KIAA0930: variants seen among roughly 807,000 people sequenced by gnomAD.
The protein encoded by KIAA0930 is KIAA0930.
Under a neutral mutation model 43.9 loss-of-function variants are expected in KIAA0930, and 24 were observed. The ratio of observed to expected loss-of-function variants is 0.55; its 90% confidence interval spans 0.40 to 0.77. The LOEUF is 0.77. KIAA0930 is among the 30% of genes least tolerant of loss of function. The pLI is 0.00. For synonymous variants in KIAA0930, 259 were observed against 216.4 expected (o/e 1.20, Z -1.73); for missense variants, 461 against 574.2 (o/e 0.80, Z 2.02).
At chr22:45,205,191 G>A (rs1351284478) in intron 5 of KIAA0930, 26 bp downstream of exon 5, 1 of 1,570,914 alleles carries the variant, frequency 6.4e-7, no homozygotes, top group African/African-American at 1.4e-5. Flanking sequence ...GGGAAGCTAA[G>A]GAGAGAGGCC....
intron 5 of KIAA0930, among the ~76,000 whole-genome samples, chr22:45,204,587 T>C (rs1398486402): frequency 1.3e-5 from 2 of 152,156 alleles, no homozygotes; most frequent in Non-Finnish European, 2.9e-5. Flanking sequence ...CGCCCACGCC[T>C]TCCTCCTAAG....
chr22:45,223,008 A>G (rs9615066), intron 1 of KIAA0930, among the ~76,000 whole-genome samples: 70,296 of 151,978 alleles, frequency 0.46, 17,115 homozygotes, highest in East Asian at 0.69. Context: ...AATATCAGAC[A>G]GTCAAAATCA....
intron 9 of KIAA0930, 152 bp from the exon 10 acceptor site, chr22:45,197,368 C>T (rs1171638633): frequency 1.0e-5 from 7 of 674,842 alleles, no homozygotes; most frequent in Non-Finnish European, 1.8e-5. Context: ...GACGTGTCTC[C>T]ACCATCCTCA....
At chr22:45,223,288 G>A (rs561792675) in intron 1 of KIAA0930, among the ~76,000 whole-genome samples, 1 of 152,336 alleles carries the variant, frequency 6.6e-6, no homozygotes, top group South Asian at 2.1e-4. Context: ...AAAATGGAGA[G>A]CAGACCAATA....
At chr22:45,229,426 T>TCTACTCTGAGCGTCTA (rs79118903) in intron 1 of KIAA0930, among the ~76,000 whole-genome samples, 1 of 147,496 alleles carries the variant, frequency 6.8e-6, no homozygotes, top group African/African-American at 2.5e-5. Context: ...CAGGCATCCG[T>TCTACTCTGAGCGTCTA]CTCTGAGCTG....
At chr22:45,202,143 G>A (rs1241932532) in intron 7 of KIAA0930, among the ~76,000 whole-genome samples, 1 of 152,254 alleles carries the variant, frequency 6.6e-6, no homozygotes, top group Non-Finnish European at 1.5e-5. Context: ...GGCTGGGCAA[G>A]ACTGCCCCTG....
chr22:45,200,056 T>C (rs1419062044), intron 7 of KIAA0930, 21 bp from the exon 8 acceptor site: 2 of 1,580,598 alleles, frequency 1.3e-6, no homozygotes, highest in Non-Finnish European at 1.7e-6. Flanking sequence ...GCAGCCAAAG[T>C]CACCAGAGTA....
At chr22:45,205,770 G>GGGGGCCCCCCC in intron 3 of KIAA0930, 23 bp downstream of exon 3, 1 of 1,523,786 alleles carries the variant, frequency 6.6e-7, no homozygotes, top group Non-Finnish European at 9.1e-7. Context: ...CCAATCCGCA[G>GGGGGCCCCCCC]CCCCACCCAT....
At chr22:45,215,985 G>A (rs1174400635) in intron 1 of KIAA0930, among the ~76,000 whole-genome samples, 1 of 151,440 alleles carries the variant, frequency 6.6e-6, no homozygotes, top group African/African-American at 2.4e-5. Context: ...CCGAGATCGC[G>A]CCACTGCTCT....
At chr22:45,213,396 G>A (rs2083711666) in intron 1 of KIAA0930, 1 of 1,302,590 alleles carries the variant, frequency 7.7e-7, no homozygotes, top group Non-Finnish European at 1.0e-6. Flanking sequence ...CTTCATCGGT[G>A]AGGGTCTGGG....
At chr22:45,198,175 CTT>C (rs1299673888) in intron 8 of KIAA0930, 1 of 566,536 alleles carries the variant, frequency 1.8e-6, no homozygotes, top group East Asian at 2.8e-5. Flanking sequence ...TCCAGGAAGA[CTT>C]TGGCCACCCC....
intron 1 of KIAA0930, among the ~76,000 whole-genome samples, chr22:45,235,931 G>A (rs1006637106): frequency 5.9e-5 from 9 of 152,346 alleles, no homozygotes; most frequent in African/African-American, 2.2e-4. Flanking sequence ...CTAGCAAAGT[G>A]ATGGCGGGTT....
At position 45,231,390 on chromosome 22, in the gene KIAA0930, A is replaced by T. The variant is rs146960596; in HGVS notation, c.64+9250T>A. Among the ~76,000 whole-genome samples the T allele has an allele frequency of 3.9e-3, 597 of 152,170 alleles. 3 individuals carry two copies. The highest frequency in any genetic ancestry group is 0.014 in the African/African-American group (562 of 41,538). ...CAGCCATGAACCTAAGATGGGAAGA[A>T]AGATAGTTTTCACCTCCTACATTGG... On this transcript the variant is annotated intron_variant, in intron 1 of 9. Transcript: ENST00000336156.
chr22:45,197,150 G>A lies in KIAA0930; in HGVS notation c.*26C>T. On this transcript the variant is annotated 3_prime_UTR_variant, in exon 10 of 10. Coordinates refer to ENST00000336156, the MANE Select transcript of KIAA0930 (RefSeq NM_001009880.2). Reference sequence around the variant, plus strand: ...GCACTCCGAGGGCTGGGCCCGGCCGGGGCTCTGCGCAGGCTCCGCACGCGG... The same window carrying A: ...GCACTCCGAGGGCTGGGCCCGGCCGAGGCTCTGCGCAGGCTCCGCACGCGG... 6.5e-7 allele frequency: 1 copy of A among 1,537,128 alleles called. No individual in the cohort carries two copies. The highest frequency in any genetic ancestry group is 8.8e-7 in the Non-Finnish European group (1 of 1,139,018).
rs554655227 is a variant in KIAA0930 at position 45,213,428 on chromosome 22, C to G, written c.65-1321G>C. 3 of 1,294,380 alleles carry G rather than the reference C, an allele frequency of 2.3e-6. No individual in the cohort carries two copies. In the African/African-American group the frequency reaches 4.6e-5, roughly 20 times the overall value. 80.2% of individuals were successfully genotyped at this position (1,294,380 alleles called of 1,614,324 possible). ...TGGGTCAGCGAGCCTTGTCAGCCTC[C>G]AGGGGTGAGGGCCAGGAGAGCCCAC... On this transcript the variant is annotated intron_variant, in intron 1 of 9. Coordinates refer to ENST00000336156, the MANE Select transcript of KIAA0930 (RefSeq NM_001009880.2).
intron 2 of KIAA0930, among the ~76,000 whole-genome samples, chr22:45,206,362 G>A (rs2083638139): frequency 6.6e-6 from 1 of 152,114 alleles, no homozygotes; most frequent in Admixed American, 6.5e-5. Flanking sequence ...CGGGAGATGG[G>A]ACCCAGGGGC....
At chr22:45,226,084 G>C (rs972639833) in intron 1 of KIAA0930, 2 of 362,160 alleles carry the variant, frequency 5.5e-6, no homozygotes, top group African/African-American at 4.3e-5. Context: ...TGAACGACAA[G>C]AAACACAGGA....
At chr22:45,212,165 T>C (rs750318309) in intron 1 of KIAA0930, 58 bp from the exon 2 acceptor site, 2 of 1,613,500 alleles carry the variant, frequency 1.2e-6, no homozygotes, top group African/African-American at 2.7e-5. Context: ...CCTTGCAGCA[T>C]GGCCTTGGCC....
At chr22:45,200,273 A>G (rs983468258) in intron 7 of KIAA0930, 8 of 436,250 alleles carry the variant, frequency 1.8e-5, no homozygotes, top group African/African-American at 1.4e-4. Context: ...AGGAGGGGCC[A>G]GGCTGCTGCC....
Sources: allele counts gnomAD v4.1 joint callset (sites outside exome capture counted in the v4.1 genomes callset), GRCh38; gene constraint gnomAD v4.1.1; transcripts MANE v1.5; gene names NCBI Gene and HGNC (gene_info 2026-07-23, HGNC 2026-07-21).